Variants in CLASP1 observed in about 807,000 individuals in gnomAD.
The protein encoded by CLASP1 is CLIP-associating protein 1.
A neutral mutation model predicts 192.3 loss-of-function variants in CLASP1; 38 were observed. That is an observed-to-expected ratio of 0.20 (90% CI 0.15 to 0.26). CLASP1 has a LOEUF of 0.26. Among genes scored for constraint, CLASP1 ranks in the 10% least tolerant of loss-of-function variants. CLASP1 has a pLI of 1.00. For missense variants in CLASP1, 1,433 were observed against 1,932.5 expected (o/e 0.74, Z 4.85); for synonymous variants, 691 against 712.8 (o/e 0.97, Z 0.49).
At chr2:121,618,371 A>G (rs1450986080) in intron 1 of CLASP1, among the ~76,000 whole-genome samples, 1 of 152,224 alleles carries the variant, frequency 6.6e-6, no homozygotes, top group Non-Finnish European at 1.5e-5. Context: ...AAACATCACA[A>G]GTAAAAGGAA....
At chr2:121,387,055 T>C in intron 32 of CLASP1, 67 bp downstream of exon 33, 1 of 1,270,052 alleles carries the variant, frequency 7.9e-7, no homozygotes, top group Admixed American at 1.9e-5. Context: ...AATCTAGAAA[T>C]AGGATGCACA....
intron 30 of CLASP1, 51 bp downstream of exon 31, chr2:121,397,089 A>ACC: frequency 1.3e-6 from 2 of 1,594,826 alleles, no homozygotes; most frequent in Non-Finnish European, 1.7e-6. Flanking sequence ...CATTTCTCTA[A>ACC]CACAAGCCCA....
At chr2:121,585,986 G>C (rs752826789) in intron 2 of CLASP1, among the ~76,000 whole-genome samples, 5 of 151,992 alleles carry the variant, frequency 3.3e-5, no homozygotes, top group African/African-American at 4.8e-5. Context: ...GTGACTTCTG[G>C]ATGGCTTCCC....
chr2:121,517,721 A>G (rs1276063034), intron 6 of CLASP1, among the ~76,000 whole-genome samples: 1 of 151,984 alleles, frequency 6.6e-6, no homozygotes, highest in African/African-American at 2.4e-5. Flanking sequence ...TAGCTGGGCC[A>G]GTTGGTACTC....
intron 19 of CLASP1, among the ~76,000 whole-genome samples, chr2:121,443,718 C>A (rs2083790501): frequency 6.6e-6 from 1 of 152,140 alleles, no homozygotes; most frequent in Non-Finnish European, 1.5e-5. Context: ...TAGTTCCTTC[C>A]AAACTTAATC....
chr2:121,416,966 G>A (rs994138720), intron 23 of CLASP1, among the ~76,000 whole-genome samples: 1 of 152,194 alleles, frequency 6.6e-6, no homozygotes, highest in Non-Finnish European at 1.5e-5. Context: ...TTAGGGTTAG[G>A]TTTAACCCAA....
chr2:121,508,405 A>G (rs1361669756), intron 7 of CLASP1, among the ~76,000 whole-genome samples: 1 of 152,254 alleles, frequency 6.6e-6, no homozygotes, highest in Non-Finnish European at 1.5e-5. Flanking sequence ...ACACTAGAAA[A>G]TATCTATTTA....
intron 19 of CLASP1, among the ~76,000 whole-genome samples, chr2:121,439,305 G>T (rs1362093604): frequency 6.6e-6 from 1 of 151,990 alleles, no homozygotes; most frequent in Non-Finnish European, 1.5e-5. Flanking sequence ...TTTTTGAAGG[G>T]TTTTTTTGTG....
chr2:121,391,378 G>C (rs1280977855), intron 30 of CLASP1, among the ~76,000 whole-genome samples: 1 of 152,180 alleles, frequency 6.6e-6, no homozygotes, highest in East Asian at 1.9e-4. Context: ...TGGGAGGATT[G>C]AATCAGAGAG....
intron 1 of CLASP1, among the ~76,000 whole-genome samples, chr2:121,623,474 A>C (rs1196006904): frequency 6.6e-6 from 1 of 152,242 alleles, no homozygotes; most frequent in Non-Finnish European, 1.5e-5. Context: ...ATCCATAAAG[A>C]ATACTGTTCT....
intron 33 of CLASP1, among the ~76,000 whole-genome samples, chr2:121,378,964 C>A (rs1173233341): frequency 7.5e-6 from 1 of 133,916 alleles, no homozygotes; most frequent in African/African-American, 3.4e-5. Context: ...AAGTATTCTG[C>A]CTTAAAAAAA....
At chr2:121,342,788 T>C (rs2062946975) in intron 39 of CLASP1, among the ~76,000 whole-genome samples, 1 of 152,048 alleles carries the variant, frequency 6.6e-6, no homozygotes, top group Non-Finnish European at 1.5e-5. Context: ...AATTTAAAAA[T>C]TAGCTGGGAT....
intron 8 of CLASP1, among the ~76,000 whole-genome samples, chr2:121,478,515 C>T (rs1293860106): frequency 3.3e-5 from 5 of 151,742 alleles, no homozygotes; most frequent in African/African-American, 1.2e-4. Flanking sequence ...GCAGGAGGAT[C>T]GCCTGAAGCC....
chr2:121,555,553 A>C (rs1198968158), intron 2 of CLASP1, among the ~76,000 whole-genome samples: 1 of 152,198 alleles, frequency 6.6e-6, no homozygotes, highest in Non-Finnish European at 1.5e-5. Context: ...AAAGAATGTA[A>C]ATATCATGAA....
At chr2:121,377,012 G>T (rs2070401284) in intron 34 of CLASP1, among the ~76,000 whole-genome samples, 1 of 152,162 alleles carries the variant, frequency 6.6e-6, no homozygotes, top group Non-Finnish European at 1.5e-5. Flanking sequence ...AGTAACAATA[G>T]AGATAAAGTA....
At chr2:121,393,730 T>G (rs1272720988) in intron 30 of CLASP1, among the ~76,000 whole-genome samples, 1 of 152,126 alleles carries the variant, frequency 6.6e-6, no homozygotes, top group East Asian at 1.9e-4. Flanking sequence ...TAATCTGCAG[T>G]GCCCTAATGT....
At chr2:121,478,617 C>A (rs1165998709) in intron 8 of CLASP1, among the ~76,000 whole-genome samples, 1 of 134,712 alleles carries the variant, frequency 7.4e-6, no homozygotes, top group African/African-American at 2.8e-5. Context: ...CACACACACA[C>A]CACACACACA....
At chr2:121,424,336 A>C (rs1334692626) in intron 22 of CLASP1, among the ~76,000 whole-genome samples, 1 of 152,194 alleles carries the variant, frequency 6.6e-6, no homozygotes, top group African/African-American at 2.4e-5. Flanking sequence ...CACAGTAAAC[A>C]CTGTTGATGA....
At chr2:121,419,698 G>T (rs1169623757) in intron 22 of CLASP1, among the ~76,000 whole-genome samples, 1 of 151,842 alleles carries the variant, frequency 6.6e-6, no homozygotes, top group Non-Finnish European at 1.5e-5. Context: ...GGATACCCTT[G>T]TTTCTCCATC....
Sources: gnomAD v4.1 joint callset for allele counts (sites outside exome capture counted in the v4.1 genomes callset) on GRCh38, gnomAD v4.1.1 for gene constraint, MANE v1.5 for transcripts, NCBI Gene and HGNC (gene_info 2026-07-23, HGNC 2026-07-21) for gene names.